The following ANKIB1 variants were observed in gnomAD, a reference collection of about 807,000 sequenced individuals.
The protein encoded by ANKIB1 is ankyrin repeat and IBR domain containing 1, also known as ankyrin repeat and IBR domain-containing protein 1.
A neutral mutation model predicts 122.1 loss-of-function variants in ANKIB1; 43 were observed. The ratio of observed to expected loss-of-function variants is 0.35; its 90% CI spans 0.28 to 0.45. The LOEUF is 0.45. Ranked by LOEUF, ANKIB1 falls within the 20% of genes least tolerant of loss-of-function variation. ANKIB1 has a pLI of 1.00. For missense variants in ANKIB1, 992 were observed against 1,329.5 expected (o/e 0.75, Z 3.95); for synonymous variants, 390 against 442.0 (o/e 0.88, Z 1.48).
chr7:92,367,732 G>A (rs969325180), intron 10 of ANKIB1, among the ~76,000 whole-genome samples: 14 of 152,270 alleles, frequency 9.2e-5, no homozygotes, highest in African/African-American at 2.9e-4. Context: ...AGCCTCTGTT[G>A]TGTCTAATTA....
intron 9 of ANKIB1, 35 bp downstream of exon 9, chr7:92,352,677 C>T (rs555282136): frequency 6.4e-7 from 1 of 1,566,920 alleles, no homozygotes; most frequent in South Asian, 1.2e-5. Context: ...AGCCTAATCA[C>T]CTTTCTTTCC....
chr7:92,270,728 G>GTTTTTTTTT, intron 1 of ANKIB1, among the ~76,000 whole-genome samples: 1 of 81,982 alleles, frequency 1.2e-5, no homozygotes, highest in Non-Finnish European at 2.3e-5. Flanking sequence ...CATCGCTATA[G>GTTTTTTTTT]TTTTTTTTTT....
rs1562769898 is a variant in ANKIB1, at chr7:92,281,962, T to TA, written c.-90-12920dup. 2.0e-5 allele frequency among the ~76,000 whole-genome samples: 3 copies of TA among 152,302 alleles called. No individual in the cohort carries two copies. The South Asian group carries it at 6.2e-4, about 32-fold the overall frequency. On this transcript the variant is annotated intron_variant, in intron 1 of 19. Coordinates refer to ENST00000265742, the MANE Select transcript of ANKIB1 (RefSeq NM_019004.2). ...AAGTGTAAACATAGAATTCACTTTT[T>TA]AAAAAAATTTCAAGCATTTAACACT...
At chr7:92,266,004 A>G in intron 1 of ANKIB1, among the ~76,000 whole-genome samples, 1 of 152,146 alleles carries the variant, frequency 6.6e-6, no homozygotes, top group East Asian at 1.9e-4. Context: ...CCAGGGGAAA[A>G]TGTAGTTGAA....
At chr7:92,284,800 T>A (rs1454560403) in intron 1 of ANKIB1, among the ~76,000 whole-genome samples, 1 of 152,236 alleles carries the variant, frequency 6.6e-6, no homozygotes, top group Non-Finnish European at 1.5e-5. Context: ...AGAGATTAGA[T>A]GTTTGGTACC....
At chr7:92,311,415 TG>T (rs1249309580) in intron 3 of ANKIB1, among the ~76,000 whole-genome samples, 1 of 152,162 alleles carries the variant, frequency 6.6e-6, no homozygotes, top group Non-Finnish European at 1.5e-5. Flanking sequence ...TCTATTAGCC[TG>T]TTATTGCAGT....
intron 11 of ANKIB1, among the ~76,000 whole-genome samples, chr7:92,371,999 G>C (rs1203007455): frequency 7.3e-6 from 1 of 137,050 alleles, no homozygotes; most frequent in Non-Finnish European, 1.6e-5. Flanking sequence ...GTGTGTGTGT[G>C]TGTGTGTGTG....
intron 2 of ANKIB1, among the ~76,000 whole-genome samples, chr7:92,304,704 T>G (rs1003443081): frequency 1.3e-5 from 2 of 152,202 alleles, no homozygotes; most frequent in Non-Finnish European, 2.9e-5. Flanking sequence ...GTAGAAGAGA[T>G]AATAATCTTG....
chr7:92,369,130 C>T (rs981691462), intron 10 of ANKIB1, among the ~76,000 whole-genome samples: 1 of 152,128 alleles, frequency 6.6e-6, no homozygotes. Context: ...TAGCAATACC[C>T]TTTGTAAGTG....
rs1800964149 is a variant in ANKIB1, at chr7:92,246,148, G to C, written c.-462G>C. ...GAAGAGGGCGGCCGGGGCTGCGAGC[G>C]CGCAAGGCTGGAACATGAGCCGGGC... is the stretch of plus-strand genomic sequence containing the variant. On this transcript the variant is annotated 5_prime_UTR_variant, in exon 1 of 20. Coordinates refer to ENST00000265742, the MANE Select transcript of ANKIB1 (RefSeq NM_019004.2). 6.7e-6 allele frequency: 2 copies of C among 300,276 alleles called. No homozygotes were observed. Among genetic ancestry groups the C allele is most frequent in the South Asian group, 4.8e-5 (2 of 41,324 alleles). The allele number at this position is 300,276 out of a possible 1,614,324, so 18.6% of individuals were successfully genotyped here.
At chr7:92,333,454 T>C (rs368104757) in intron 5 of ANKIB1, among the ~76,000 whole-genome samples, 1 of 152,178 alleles carries the variant, frequency 6.6e-6, no homozygotes, top group East Asian at 1.9e-4. Flanking sequence ...CTTCCCCTTT[T>C]ATCTGGTTAA....
intron 9 of ANKIB1, among the ~76,000 whole-genome samples, chr7:92,353,879 G>T (rs892080462): frequency 6.6e-6 from 1 of 152,120 alleles, no homozygotes; most frequent in Non-Finnish European, 1.5e-5. Flanking sequence ...CTGGAATCCT[G>T]GTTGAAAAAG....
intron 1 of ANKIB1, among the ~76,000 whole-genome samples, chr7:92,251,622 CCTCT>C (rs1188551015): frequency 6.6e-6 from 1 of 151,498 alleles, no homozygotes; most frequent in Non-Finnish European, 1.5e-5. Context: ...CATTGCCTGC[CCTCT>C]CTCTCTCTGT....
intron 1 of ANKIB1, chr7:92,294,617 T>G: frequency 3.0e-6 from 1 of 328,616 alleles, no homozygotes; most frequent in East Asian, 4.6e-5. Context: ...TTGAAAAGTT[T>G]TATATATAGA....
intron 5 of ANKIB1, among the ~76,000 whole-genome samples, chr7:92,331,752 C>T (rs1562784345): frequency 6.6e-6 from 1 of 152,190 alleles, no homozygotes; most frequent in Non-Finnish European, 1.5e-5. Context: ...AATTCAGTCA[C>T]ATGGCCACAC....
Position 92,284,580 on chromosome 7 carries a change from A to G in ANKIB1, c.-90-10309A>G, listed in dbSNP as rs562531159. Among the ~76,000 whole-genome samples the G allele has an allele frequency of 3.9e-5, 6 of 152,354 alleles. No homozygotes were observed. The South Asian group carries it at 1.2e-3, about 32-fold the overall frequency. ...GAATAAAAGGGGGAAATTAACATTAAGTCATTTTAATTTTTAAAAATTCAT... is the reference window on the plus strand; with the variant it reads ...GAATAAAAGGGGGAAATTAACATTAGGTCATTTTAATTTTTAAAAATTCAT... On this transcript the variant is annotated intron_variant, in intron 1 of 19. Coordinates refer to ENST00000265742, the MANE Select transcript of ANKIB1 (RefSeq NM_019004.2).
chr7:92,374,708 A>T (rs1804344211), intron 11 of ANKIB1, among the ~76,000 whole-genome samples: 1 of 152,114 alleles, frequency 6.6e-6, no homozygotes, highest in Admixed American at 6.5e-5. Flanking sequence ...TAAGGATATG[A>T]CTCAAAAATT....
chr7:92,386,850 GTA>G (rs1400194986), intron 12 of ANKIB1, among the ~76,000 whole-genome samples: 1 of 151,182 alleles, frequency 6.6e-6, no homozygotes, highest in Admixed American at 6.6e-5. Context: ...GTGGAGATCT[GTA>G]TGAAAAGTCT....
chr7:92,345,299 CA>C (rs1292919279), intron 7 of ANKIB1, among the ~76,000 whole-genome samples: 3 of 152,200 alleles, frequency 2.0e-5, no homozygotes, highest in Non-Finnish European at 2.9e-5. Flanking sequence ...CCTTTAGAAA[CA>C]AAGCAGGTAT....
Sources: gnomAD v4.1 joint callset for allele counts (sites outside exome capture counted in the v4.1 genomes callset) on GRCh38, gnomAD v4.1.1 for gene constraint, MANE v1.5 for transcripts, NCBI Gene and HGNC (gene_info 2026-07-23, HGNC 2026-07-21) for gene names.